The following SAXO4 variants were observed in gnomAD, a reference collection of about 807,000 sequenced individuals.
SAXO4 encodes the protein protein phosphatase 1 regulatory subunit 32.
At chr11:61,482,421 G>A in the SAXO4 span, 23 of 1,613,696 alleles carry the variant, frequency 1.4e-5, no homozygotes, top group Non-Finnish European at 1.9e-5. Context: ...AGACAACCCG[G>A]CCAGGGGGTA....
chr11:61,490,493 C>T, the SAXO4 span: 2 of 1,613,804 alleles, frequency 1.2e-6, no homozygotes, highest in Admixed American at 1.7e-5. Flanking sequence ...CCTCTTGCCT[C>T]CCTGCAGAAC....
chr11:61,488,005 G>C, the SAXO4 span, among the ~76,000 whole-genome samples: 3,465 of 107,338 alleles, frequency 0.032, 156 homozygotes, highest in African/African-American at 0.11. Context: ...TTTTTTTTTT[G>C]AGATGGAGTT....
the SAXO4 span, among the ~76,000 whole-genome samples, chr11:61,487,739 T>C: frequency 6.6e-6 from 1 of 152,142 alleles, no homozygotes; most frequent in African/African-American, 2.4e-5. Context: ...AACAGGGCAG[T>C]GCGAGGGAGT....
chr11:61,485,815 A>G, the SAXO4 span: 1 of 1,613,816 alleles, frequency 6.2e-7, no homozygotes. Context: ...TGCAGAAGAA[A>G]TCGATCGGCG....
At chr11:61,487,341 G>A in the SAXO4 span, 1 of 1,018,070 alleles carries the variant, frequency 9.8e-7, no homozygotes, top group Admixed American at 1.8e-5. Context: ...GATCAATGCT[G>A]AGTGAATATG....
At chr11:61,489,539 C>G in the SAXO4 span, 1 of 588,428 alleles carries the variant, frequency 1.7e-6, no homozygotes. Context: ...AGGCCAGGGA[C>G]AGGGGCATCA....
the SAXO4 span, chr11:61,490,555 C>G: frequency 6.2e-7 from 1 of 1,613,890 alleles, no homozygotes; most frequent in African/African-American, 1.3e-5. Flanking sequence ...GCAGCCGCTG[C>G]GTGGCACACA....
the SAXO4 span, chr11:61,484,920 C>A: frequency 7.1e-7 from 1 of 1,400,118 alleles, no homozygotes; most frequent in Non-Finnish European, 9.5e-7. Context: ...CCCAAGAAGC[C>A]AGCTCAGGGT....
At chr11:61,485,465 C>A in the SAXO4 span, 2 of 1,462,038 alleles carry the variant, frequency 1.4e-6, no homozygotes, top group Non-Finnish European at 1.9e-6. Flanking sequence ...ACTTGCTACC[C>A]CAGGGGCCCT....
chr11:61,482,508 C>A, the SAXO4 span: 2 of 1,560,000 alleles, frequency 1.3e-6, no homozygotes, highest in Admixed American at 1.7e-5. Flanking sequence ...GGACCCTGAG[C>A]TTTGCCTGCC....
the SAXO4 span, chr11:61,486,717 T>A: frequency 8.6e-7 from 1 of 1,159,778 alleles, no homozygotes; most frequent in Non-Finnish European, 1.3e-6. Context: ...TTAGGATATT[T>A]AGGGATGTGG....
chr11:61,482,376 C>G, the SAXO4 span: 2 of 1,614,206 alleles, frequency 1.2e-6, no homozygotes, highest in Non-Finnish European at 1.7e-6. Flanking sequence ...AAATTTCCAG[C>G]CCGTGGTCTC....
chr11:61,489,781 G>C, the SAXO4 span: 3 of 1,613,912 alleles, frequency 1.9e-6, no homozygotes, highest in Non-Finnish European at 2.5e-6. Flanking sequence ...CTCTCCTCCA[G>C]GTACTTTGAG....
At chr11:61,486,978 G>C in the SAXO4 span, 3 of 1,614,126 alleles carry the variant, frequency 1.9e-6, no homozygotes, top group Admixed American at 5.0e-5. Context: ...ACCCAGCAGC[G>C]TGAGTCACCA....
chr11:61,490,844 C>T, the SAXO4 span: 1 of 540,136 alleles, frequency 1.9e-6, no homozygotes, highest in Admixed American at 3.2e-5. Context: ...AGGAGCCAGG[C>T]TACTGTCTGT....
At chr11:61,486,890 C>A in the SAXO4 span, 2 of 1,428,570 alleles carry the variant, frequency 1.4e-6, no homozygotes, top group Non-Finnish European at 2.0e-6. Flanking sequence ...CCCTCTCCAT[C>A]CCTGCTGCCT....
the SAXO4 span, chr11:61,486,501 A>G: frequency 0.81 from 1,309,845 of 1,612,946 alleles, 538,847 homozygotes; most frequent in East Asian, 0.97. Context: ...TCCTGGTGCC[A>G]GTGGCTGCTT....
chr11:61,486,750 T>C, the SAXO4 span: 1 of 935,140 alleles, frequency 1.1e-6, no homozygotes, highest in African/African-American at 1.6e-5. Context: ...AGGTGGAGGG[T>C]GAAGAGAGCC....
the SAXO4 span, chr11:61,482,518 C>A: frequency 6.4e-7 from 1 of 1,560,688 alleles, no homozygotes; most frequent in Non-Finnish European, 8.8e-7. Context: ...CTTTGCCTGC[C>A]CTAGGCTGGG....
Sources: allele counts gnomAD v4.1 joint callset (sites outside exome capture counted in the v4.1 genomes callset), GRCh38; gene constraint gnomAD v4.1.1; transcripts MANE v1.5; gene names NCBI Gene and HGNC (gene_info 2026-07-23, HGNC 2026-07-21).